The following ATMIN variants were observed in gnomAD, a reference collection of about 807,000 sequenced individuals.
ATMIN encodes ATM interactor.
ATMIN carries 24 observed loss-of-function variants against 49.2 expected under a neutral mutation model. The observed-to-expected ratio is 0.49, with a 90% CI of 0.35 to 0.69. ATMIN has a LOEUF of 0.69. Among genes scored for constraint, ATMIN ranks in the 30% least tolerant of loss-of-function variants. The pLI, the probability that ATMIN is intolerant of heterozygous loss-of-function variation, is 0.00. For synonymous variants in ATMIN, 450 were observed against 392.5 expected, an observed-to-expected ratio of 1.15 and a Z score of -1.73; for missense variants, 1,037 against 1,005.5, an observed-to-expected ratio of 1.03 and a Z score of -0.42.
Position 81,036,145 on chromosome 16 carries a change from G to T in ATMIN, c.275G>T (p.Gly92Val). The change falls in exon 1 of 4, where the codon GGC (glycine) becomes GTC (valine). Residue 92 changes from glycine to valine, a missense_variant. Transcript: ENST00000299575. ...ATCCTGTGCACCGTGCGCGGCTGCG[G>T]CAAGATCCTGCCCAACAGCCCCGCG... ...TNILCTVRGC[G>V]KILPNSPALN... 6.8e-7 allele frequency: 1 copy of T among 1,469,590 alleles called. No individual in the cohort carries two copies. The allele number at this position is 1,469,590 out of a possible 1,614,324, so 91.0% of individuals were successfully genotyped here.
rs1025494368 is a variant in ATMIN at position 81,045,805 on chromosome 16, G to A, written c.*835G>A. ...CCAGCTTGGGCAACGTAAGAAGACC[G>A]TGTCTCTGGAATTTTTTTTTTTTTT... On this transcript the variant is annotated 3_prime_UTR_variant, in exon 4 of 4. Transcript: ENST00000299575. The A allele has an allele frequency of 5.9e-5, 9 of 151,858 alleles. No homozygotes were observed. The highest frequency in any genetic ancestry group is 2.0e-4 in the Admixed American group (3 of 15,240). The allele number at this position is 151,858 out of a possible 1,614,324, so 9.4% of individuals were successfully genotyped here. A position where few individuals can be genotyped will look rare whatever the true frequency, so the allele number is the denominator to read the frequency against.
chr16:81,036,618 G>C (rs949633106), intron 1 of ATMIN, among the ~76,000 whole-genome samples: 1 of 152,172 alleles, frequency 6.6e-6, no homozygotes, highest in Non-Finnish European at 1.5e-5. Context: ...GCTTTAAACC[G>C]GGGCCTCTGG....
Position 81,046,691 on chromosome 16 carries a change from C to CAT in ATMIN, c.*1721_*1722insAT, listed in dbSNP as rs1555525104. 6.6e-6 allele frequency: 1 copy of CAT among 151,048 alleles called. No homozygotes were observed. Among genetic ancestry groups the CAT allele is most frequent in the South Asian group, 2.1e-4 (1 of 4,776 alleles). 9.4% of individuals were successfully genotyped at this position (151,048 alleles called of 1,614,324 possible). ...ACACACACACACACACACACACACACGACATGCTCCTTTCTGTGGCACATG... is the reference window on the plus strand; with the variant it reads ...ACACACACACACACACACACACACACATGACATGCTCCTTTCTGTGGCACATG... On this transcript the variant is annotated 3_prime_UTR_variant, in exon 4 of 4. Coordinates refer to ENST00000299575, the MANE Select transcript of ATMIN (RefSeq NM_015251.3).
At chr16:81,039,573 A>T (rs557081561) in intron 1 of ATMIN, among the ~76,000 whole-genome samples, 1 of 152,322 alleles carries the variant, frequency 6.6e-6, no homozygotes, top group East Asian at 1.9e-4. Flanking sequence ...GAAATCCAGA[A>T]ATCTAGCCCA....
At position 81,044,561 on chromosome 16, in the gene ATMIN, G is replaced by A. The variant is rs376435206; in HGVS notation, c.2063G>A (p.Cys688Tyr). ...GATACCTCTGCTCAGTCCTATGGGT[G>A]TAGGGGAAATTCTAACTTCTTAGGC... ...LADTSAQSYG[C>Y]RGNSNFLGLE... Residue 688 changes from cysteine (C) to tyrosine (Y), a missense_variant, in exon 4 of 4, where the codon TGT becomes TAT. Transcript: ENST00000299575. 4.4e-5 allele frequency: 71 copies of A among 1,613,964 alleles called. No individual in the cohort carries two copies. The highest frequency in any genetic ancestry group is 1.6e-4 in the Middle Eastern group (1 of 6,082).
chr16:81,036,131 C>T lies in ATMIN; in HGVS notation c.261C>T (p.Thr87=), dbSNP rs775492976. 3 of 1,462,616 alleles carry T rather than the reference C, an allele frequency of 2.1e-6. No homozygotes were observed. In the Admixed American group the frequency reaches 6.3e-5, roughly 31 times the overall value. The allele number at this position is 1,462,616 out of a possible 1,614,324, so 90.6% of individuals were successfully genotyped here. The stretch of plus-strand genomic sequence containing the variant: ...CCGTGCGGACCAACATCCTGTGCAC[C>T]GTGCGCGGCTGCGGCAAGATCCTGC... ...SRAVRTNILC[T]VRGCGKILPN... Residue 87 remains threonine (T), a synonymous_variant, in exon 1 of 4, where the codon ACC becomes ACT. Transcript: ENST00000299575.
rs1365573053 is a variant in ATMIN, at chr16:81,043,266, C to T, written c.768C>T (p.Asp256=). 1.2e-6 allele frequency: 2 copies of T among 1,614,012 alleles called. No individual in the cohort carries two copies. The highest frequency in any genetic ancestry group is 1.7e-6 in the Non-Finnish European group (2 of 1,180,042). The stretch of plus-strand genomic sequence containing the variant: ...ACAACCAACCAATCCCTAGACCAGA[C>T]ACTCAAGAACTAGAAGCTTCAGAAA... The part of the protein sequence containing the change: ...SLNNQPIPRP[D]TQELEASEIK... Residue 256 remains aspartate, a synonymous_variant, in exon 4 of 4, where the codon GAC becomes GAT. Coordinates refer to ENST00000299575, the MANE Select transcript of ATMIN (RefSeq NM_015251.3).
rs1033095020 is a variant in ATMIN at position 81,046,204 on chromosome 16, C to A, written c.*1234C>A. On this transcript the variant is annotated 3_prime_UTR_variant, in exon 4 of 4. Transcript: ENST00000299575. ...CAAGCTGGATCTGAGTTTTGTCACTCTAAAATTAAACAAGAAAAAAAGTGG... is the reference window on the plus strand; with the variant it reads ...CAAGCTGGATCTGAGTTTTGTCACTATAAAATTAAACAAGAAAAAAAGTGG... The A allele has an allele frequency of 2.6e-5, 4 of 151,982 alleles. No homozygotes were observed. Among genetic ancestry groups the A allele is most frequent in the Admixed American group, 6.6e-5 (1 of 15,240 alleles). The allele number at this position is 151,982 out of a possible 1,614,324, so 9.4% of individuals were successfully genotyped here. A position where few individuals can be genotyped will look rare whatever the true frequency, so the allele number is the denominator to read the frequency against.
At position 81,044,775 on chromosome 16, in the gene ATMIN, G is replaced by A; in HGVS notation, c.2277G>A (p.Gln759=). 1 of 1,614,204 alleles carries A rather than the reference G, an allele frequency of 6.2e-7. No individual in the cohort carries two copies. Among genetic ancestry groups the A allele is most frequent in the Non-Finnish European group, 8.5e-7 (1 of 1,180,042 alleles). The part of the protein sequence containing the change: ...KNIPALESKV[Q]LNSTETQTMS... ...TACCTGCTCTAGAAAGCAAAGTTCA[G>A]TTGAACAGTACAGAAACACAGACCA... Residue 759 remains glutamine, a synonymous_variant, in exon 4 of 4, where the codon CAG becomes CAA. Coordinates refer to ENST00000299575, the MANE Select transcript of ATMIN (RefSeq NM_015251.3).
In ATMIN at chr16:81,043,541, T is replaced by C. The variant is rs755135104; in HGVS notation, c.1043T>C (p.Val348Ala). The change falls in exon 4 of 4, where the codon GTA (valine) becomes GCA (alanine). Residue 348 changes from valine (V) to alanine (A), a missense_variant. Transcript: ENST00000299575. ...TGAVHLMPLS[V>A]GTLILGLDSE... Reference sequence around the variant, plus strand: ...GCTGTGCACTTAATGCCCTTGTCAGTAGGAACCCTGATCCTCGGCCTAGAT... The same window carrying C: ...GCTGTGCACTTAATGCCCTTGTCAGCAGGAACCCTGATCCTCGGCCTAGAT... 6.2e-7 allele frequency: 1 copy of C among 1,613,982 alleles called. No homozygotes were observed. Among genetic ancestry groups the C allele is most frequent in the Admixed American group, 1.7e-5 (1 of 60,004 alleles).
chr16:81,044,590 G>T lies in ATMIN; in HGVS notation c.2092G>T (p.Glu698Ter). ...GGGAAATTCTAACTTCTTAGGCCTT[G>T]AGATGTTTGACACACAGACACAGAC... ...CRGNSNFLGL[E>*]MFDTQTQTDL... Residue 698 changes from glutamate (E) to a stop codon, truncating the protein, a stop_gained, in exon 4 of 4, where the codon GAG (glutamate) becomes TAG (stop). Transcript: ENST00000299575. LOFTEE classifies it high-confidence loss of function. 1.2e-6 allele frequency: 2 copies of T among 1,614,086 alleles called. No individual in the cohort carries two copies. The highest frequency in any genetic ancestry group is 1.7e-6 in the Non-Finnish European group (2 of 1,180,038).
chr16:81,046,513 A>G lies in ATMIN; in HGVS notation c.*1543A>G, dbSNP rs949040722. The G allele has an allele frequency of 3.9e-5, 6 of 152,194 alleles. No individual in the cohort carries two copies. The highest frequency in any genetic ancestry group is 9.7e-5 in the African/African-American group (4 of 41,434). The allele number at this position is 152,194 out of a possible 1,614,324, so 9.4% of individuals were successfully genotyped here. Reference sequence around the variant, plus strand: ...AACAAGGTGAAGACCTATTGCTTCAATAATCAAGAATGCTTTGTGTGTTTT... The same window carrying G: ...AACAAGGTGAAGACCTATTGCTTCAGTAATCAAGAATGCTTTGTGTGTTTT... On this transcript the variant is annotated 3_prime_UTR_variant, in exon 4 of 4. Coordinates refer to ENST00000299575, the MANE Select transcript of ATMIN (RefSeq NM_015251.3).
At chr16:81,038,279 T>TGC (rs2151737510) in intron 1 of ATMIN, among the ~76,000 whole-genome samples, 1 of 151,828 alleles carries the variant, frequency 6.6e-6, no homozygotes, top group Admixed American at 6.6e-5. Context: ...TACAGGTGCA[T>TGC]ACCACCACGC....
chr16:81,042,401 T>C lies in ATMIN; in HGVS notation c.583T>C (p.Cys195Arg), dbSNP rs1401206786. 5 of 1,613,996 alleles carry C rather than the reference T, an allele frequency of 3.1e-6. No individual in the cohort carries two copies. The highest frequency in any genetic ancestry group is 4.2e-6 in the Non-Finnish European group (5 of 1,180,032). ...CTGTGGCAAGACCTTCCGGTGCACA[T>C]GCGGCTGTCCCTACGCCAGTAGAAC... ...EDCGKTFRCT[C>R]GCPYASRTAL... Residue 195 changes from cysteine to arginine, a missense_variant, in exon 3 of 4, where the codon TGC (cysteine) becomes CGC (arginine). By Grantham distance (180) the Cys-to-Arg change is radical. Transcript: ENST00000299575.
intron 3 of ATMIN, 72 bp downstream of exon 3, chr16:81,042,552 G>T (rs959670229): frequency 1.3e-6 from 2 of 1,486,880 alleles, no homozygotes; most frequent in South Asian, 1.2e-5. Flanking sequence ...ATCCTGGAGA[G>T]CCAGTGGTGT....
At chr16:81,040,175 T>A (rs970253724) in intron 1 of ATMIN, among the ~76,000 whole-genome samples, 5 of 152,230 alleles carry the variant, frequency 3.3e-5, no homozygotes, top group Non-Finnish European at 7.3e-5. Context: ...ATTTTATTCT[T>A]GAAAGTATAT....
At position 81,036,056 on chromosome 16, in the gene ATMIN, G is replaced by A. The variant is rs371979715; in HGVS notation, c.186G>A (p.Ala62=). 1.3e-4 allele frequency: 159 copies of A among 1,269,924 alleles called. No homozygotes were observed. In the African/African-American group the frequency reaches 2.0e-3, roughly 16 times the overall value. The allele number at this position is 1,269,924 out of a possible 1,614,324, so 78.7% of individuals were successfully genotyped here. A position where few individuals can be genotyped will look rare whatever the true frequency, so the allele number is the denominator to read the frequency against. Residue 62 remains alanine, a synonymous_variant, in exon 1 of 4, where the codon GCG becomes GCA. Transcript: ENST00000299575. ...AGATQQPAVP[A]PPAGELIQPS... is the part of the protein sequence containing the mutation. ...CGACGCAGCAGCCCGCTGTCCCCGC[G>A]CCGCCGGCGGGGGAGCTGATCCAGC...
Position 81,041,396 on chromosome 16 carries a change from C to G in ATMIN, c.377C>G (p.Thr126Ser). The change falls in exon 2 of 4, where the codon ACT becomes AGT. Residue 126 changes from threonine to serine, a missense_variant. Transcript: ENST00000299575. ...VNPTIRKDLK[T>S]GPKFYCCPIE... ...CCAACAATAAGAAAAGATTTGAAAA[C>G]TGGACCGAAATTCTACTGCTGTCCA... 1 of 1,613,732 alleles carries G rather than the reference C, an allele frequency of 6.2e-7. No individual in the cohort carries two copies. The highest frequency in any genetic ancestry group is 8.5e-7 in the Non-Finnish European group (1 of 1,179,924).
chr16:81,041,608 A>C (rs1971038988), intron 2 of ATMIN, 127 bp downstream of exon 2: 3 of 1,238,502 alleles, frequency 2.4e-6, no homozygotes, highest in South Asian at 3.1e-5. Context: ...CGTGTCTCCC[A>C]GTTGGTATAA....
Sources: allele counts gnomAD v4.1 joint callset (sites outside exome capture counted in the v4.1 genomes callset), GRCh38; gene constraint gnomAD v4.1.1; transcripts MANE v1.5; gene names NCBI Gene and HGNC (gene_info 2026-07-23, HGNC 2026-07-21).